The following MED12L variants were observed in gnomAD, a reference collection of about 807,000 sequenced individuals.
MED12L encodes the protein mediator of RNA polymerase II transcription subunit 12-like protein.
In MED12L, 60 loss-of-function variants were observed where a neutral mutation model predicts 281.3. The observed-to-expected ratio is 0.21, with a 90% CI of 0.17 to 0.26. MED12L has a LOEUF of 0.26. Among genes scored for constraint, MED12L ranks in the 10% least tolerant of loss-of-function variants. The probability of loss-of-function intolerance (pLI) is 1.00; values close to 1 mark genes in which losing one functional copy is unlikely to be tolerated. For synonymous variants in MED12L, 974 were observed against 987.2 expected, an observed-to-expected ratio of 0.99 and a Z score of 0.25; for missense variants, 2,146 against 2,680.9, an observed-to-expected ratio of 0.80 and a Z score of 4.41.
intron 16 of MED12L, among the ~76,000 whole-genome samples, chr3:151,252,780 C>G (rs1737093375): frequency 1.3e-5 from 2 of 152,062 alleles, no homozygotes; most frequent in Non-Finnish European, 2.9e-5. Flanking sequence ...AACTTATCTA[C>G]TAACTAGATA....
chr3:151,145,379 G>A (rs553393244), intron 5 of MED12L, among the ~76,000 whole-genome samples: 1 of 152,290 alleles, frequency 6.6e-6, no homozygotes, highest in East Asian at 1.9e-4. Flanking sequence ...ATTCTTTAAG[G>A]CATTGCATCC....
At chr3:151,303,988 A>G (rs1370141694) in intron 16 of MED12L, among the ~76,000 whole-genome samples, 2 of 152,224 alleles carry the variant, frequency 1.3e-5, no homozygotes, top group African/African-American at 4.8e-5. Context: ...GGGGAAGTCA[A>G]GTGACATAGG....
intron 17 of MED12L, among the ~76,000 whole-genome samples, chr3:151,350,671 C>T (rs1753115422): frequency 6.6e-6 from 1 of 152,088 alleles, no homozygotes; most frequent in Non-Finnish European, 1.5e-5. Flanking sequence ...CATATTTGCT[C>T]ACCTTTTCTT....
intron 2 of MED12L, among the ~76,000 whole-genome samples, chr3:151,115,261 A>T (rs1455584244): frequency 2.6e-5 from 4 of 151,260 alleles, no homozygotes; most frequent in Non-Finnish European, 5.9e-5. Flanking sequence ...TTAAACATAA[A>T]ACAGGTGTGT....
chr3:151,205,804 T>C (rs1726267884), intron 16 of MED12L, among the ~76,000 whole-genome samples: 1 of 152,204 alleles, frequency 6.6e-6, no homozygotes, highest in Admixed American at 6.5e-5. Context: ...ATGGAGGCCA[T>C]CAGGTCAATC....
intron 16 of MED12L, among the ~76,000 whole-genome samples, chr3:151,344,203 A>G (rs1272100116): frequency 2.0e-5 from 3 of 152,082 alleles, no homozygotes; most frequent in East Asian, 1.9e-4. Context: ...ACTGTGGACT[A>G]TAAGCTGTGT....
intron 16 of MED12L, chr3:151,269,558 AT>A: frequency 3.3e-6 from 1 of 300,710 alleles, no homozygotes; most frequent in South Asian, 3.2e-5. Context: ...CAAATTTCAA[AT>A]TTTTGGGTAA....
intron 11 of MED12L, among the ~76,000 whole-genome samples, chr3:151,166,820 C>T (rs1365388641): frequency 6.6e-6 from 1 of 152,062 alleles, no homozygotes; most frequent in African/African-American, 2.4e-5. Context: ...GGATTACAGG[C>T]ACCCACCACT....
At position 151,337,671 on chromosome 3, in the gene MED12L, T is replaced by C. The variant is rs1323294413; in HGVS notation, c.2251-12388T>C. The C allele has an allele frequency of 7.7e-6, 6 of 779,756 alleles. No individual in the cohort carries two copies. In the Admixed American group the frequency reaches 1.7e-4, roughly 22 times the overall value. 48.3% of individuals were successfully genotyped at this position (779,756 alleles called of 1,614,324 possible). A position where few individuals can be genotyped will look rare whatever the true frequency, so the allele number is the denominator to read the frequency against. On this transcript the variant is annotated intron_variant, in intron 16 of 44. Transcript: ENST00000687756. ...TAGCTTTTCATACTGGAAAGGTAAA[T>C]GAAAATTGCTTTTGTAATCTTCTGT... is the stretch of plus-strand genomic sequence containing the variant.
chr3:151,404,928 G>T (rs1716115406), intron 39 of MED12L, among the ~76,000 whole-genome samples: 1 of 152,170 alleles, frequency 6.6e-6, no homozygotes, highest in Non-Finnish European at 1.5e-5. Context: ...GGGTGTAGTT[G>T]CTAATACAGA....
chr3:151,334,000 C>A (rs1240406573), intron 16 of MED12L, among the ~76,000 whole-genome samples: 3 of 151,842 alleles, frequency 2.0e-5, no homozygotes, highest in Non-Finnish European at 4.4e-5. Context: ...TTGCTTGTAC[C>A]CGGGAGGCGG....
chr3:151,355,700 A>T (rs935457125), intron 18 of MED12L, among the ~76,000 whole-genome samples, 196 bp from the exon 19 acceptor site: 7 of 152,170 alleles, frequency 4.6e-5, no homozygotes, highest in Non-Finnish European at 1.0e-4. Flanking sequence ...AACTTTTTGT[A>T]TTTTTTAAAA....
At chr3:151,270,038 A>G (rs1740587726) in intron 16 of MED12L, 1 of 238,386 alleles carries the variant, frequency 4.2e-6, no homozygotes, top group Non-Finnish European at 8.2e-6. Flanking sequence ...AAGGATGGGA[A>G]GATATTGATA....
chr3:151,238,109 T>C (rs1733293871), intron 16 of MED12L, among the ~76,000 whole-genome samples: 1 of 152,028 alleles, frequency 6.6e-6, no homozygotes, highest in Non-Finnish European at 1.5e-5. Context: ...TTTTCTGTCC[T>C]AAAGTTTAGA....
intron 16 of MED12L, among the ~76,000 whole-genome samples, chr3:151,268,913 A>G (rs1740334674): frequency 6.6e-6 from 1 of 152,174 alleles, no homozygotes; most frequent in African/African-American, 2.4e-5. Context: ...TAGCCACAAA[A>G]CAAAAAAAAT....
At chr3:151,397,262 T>A (rs1381061618) in intron 39 of MED12L, among the ~76,000 whole-genome samples, 5 of 152,250 alleles carry the variant, frequency 3.3e-5, no homozygotes, top group African/African-American at 1.2e-4. Flanking sequence ...AGTTGAAACT[T>A]AACTATGGAG....
rs1225063244 is a variant in MED12L, at chr3:151,411,354, T to C, written c.5987T>C (p.Val1996Ala). The C allele has an allele frequency of 6.2e-7, 1 of 1,614,194 alleles. No individual in the cohort carries two copies. Among genetic ancestry groups the C allele is most frequent in the Non-Finnish European group, 8.5e-7 (1 of 1,180,036 alleles). Reference sequence around the variant, plus strand: ...ACATCGCAGCAGCAGGCTGGCAGTGTGGTCCTGTCTCCCAGCTATAACTCC... The same window carrying C: ...ACATCGCAGCAGCAGGCTGGCAGTGCGGTCCTGTCTCCCAGCTATAACTCC... ...QQTSQQQAGS[V>A]VLSPSYNSRA... Residue 1996 changes from valine (V) to alanine (A), a missense_variant, in exon 41 of 45, where the codon GTG becomes GCG. Val to Ala is a moderately conservative substitution (Grantham distance 64, BLOSUM62 0). Transcript: ENST00000687756.
chr3:151,330,818 A>G (rs1184889803), intron 16 of MED12L, among the ~76,000 whole-genome samples: 1 of 152,216 alleles, frequency 6.6e-6, no homozygotes, highest in Non-Finnish European at 1.5e-5. Flanking sequence ...TATAGATTCA[A>G]GATTTCATTA....
chr3:151,249,766 C>G (rs1239552573), intron 16 of MED12L, among the ~76,000 whole-genome samples: 1 of 152,118 alleles, frequency 6.6e-6, no homozygotes, highest in Non-Finnish European at 1.5e-5. Flanking sequence ...GATCCCAATG[C>G]CTGGATATTT....
Sources: allele counts gnomAD v4.1 joint callset (sites outside exome capture counted in the v4.1 genomes callset), GRCh38; gene constraint gnomAD v4.1.1; transcripts MANE v1.5; gene names NCBI Gene and HGNC (gene_info 2026-07-23, HGNC 2026-07-21).